The following ZNF571 variants were observed in gnomAD, a reference collection of about 807,000 sequenced individuals.
The protein encoded by ZNF571 is zinc finger protein 571.
In ZNF571, 4 loss-of-function variants were observed where a neutral mutation model predicts 7.7. The ratio of observed to expected loss-of-function variants is 0.52; its 90% CI spans 0.25 to 1.18. The LOEUF is 1.18. Among genes scored for constraint, ZNF571 ranks in the 50% most tolerant of loss-of-function variants. The pLI, the probability that ZNF571 is intolerant of heterozygous loss-of-function variation, is 0.14. For synonymous variants in ZNF571, 251 were observed against 232.4 expected, an observed-to-expected ratio of 1.08 and a Z score of -0.73; for missense variants, 704 against 726.9, an observed-to-expected ratio of 0.97 and a Z score of 0.36.
rs1254792985 is a variant in ZNF571 at position 37,565,353 on chromosome 19, CTGTA to C, written c.1071_1074del (p.His357GlnfsTer25). 6.2e-7 allele frequency: 1 copy of C among 1,613,582 alleles called. No homozygotes were observed. Among genetic ancestry groups the C allele is most frequent in the African/African-American group, 1.3e-5 (1 of 74,902 alleles). ...TCTTTACATTCATAGGGTTTCTCTC[CTGTA>C]TGAATTCTCTGATGTTCATTCAGTT... On this transcript the variant is annotated frameshift_variant, in exon 4 of 4. Transcript: ENST00000451802. LOFTEE classifies it low-confidence loss of function (END_TRUNC).
chr19:37,574,332 A>C (rs985579482), intron 3 of ZNF571, among the ~76,000 whole-genome samples: 1 of 152,206 alleles, frequency 6.6e-6, no homozygotes, highest in African/African-American at 2.4e-5. Flanking sequence ...GTCCTGGGAC[A>C]ACCCTGCTTT....
rs2042989570 is a variant in ZNF571, at chr19:37,569,661, G to A, written c.137-3370C>T. 6.6e-6 allele frequency among the ~76,000 whole-genome samples: 1 copy of A among 152,134 alleles called. No individual in the cohort carries two copies. Among genetic ancestry groups the A allele is most frequent in the Non-Finnish European group, 1.5e-5 (1 of 68,032 alleles). On this transcript the variant is annotated intron_variant, in intron 3 of 3. Coordinates refer to ENST00000451802, the MANE Select transcript of ZNF571 (RefSeq NM_016536.5). This position sits in a 1 kb window ranked among gnomAD's most constrained non-coding sequence, Gnocchi z 4.4. Reference sequence around the variant, plus strand: ...GCAGGTTCTGCCCGGCCTGGCTCCAGTCAACCTCTCCGACTCCCTTGTGGC... The same window carrying A: ...GCAGGTTCTGCCCGGCCTGGCTCCAATCAACCTCTCCGACTCCCTTGTGGC...
intron 3 of ZNF571, among the ~76,000 whole-genome samples, chr19:37,572,011 G>T (rs2385122): frequency 8.3e-5 from 1 of 12,088 alleles, no homozygotes; most frequent in African/African-American, 3.9e-4. Flanking sequence ...AGACTATATG[G>T]CCATAATTAG....
intron 1 of ZNF571, among the ~76,000 whole-genome samples, chr19:37,593,322 C>A (rs962411898): frequency 1.3e-5 from 2 of 152,102 alleles, no homozygotes; most frequent in South Asian, 4.1e-4. Context: ...TCGTATTATT[C>A]TTTAGCCTGC....
chr19:37,574,077 T>C (rs1156231035), intron 3 of ZNF571, among the ~76,000 whole-genome samples: 1 of 152,154 alleles, frequency 6.6e-6, no homozygotes, highest in Non-Finnish European at 1.5e-5. Flanking sequence ...TCTGGATCCA[T>C]TATTCGTACC....
At chr19:37,587,984 C>T (rs568876894) in intron 1 of ZNF571, among the ~76,000 whole-genome samples, 2 of 151,658 alleles carry the variant, frequency 1.3e-5, no homozygotes, top group South Asian at 4.2e-4. Flanking sequence ...CCTGTAGTCC[C>T]AGCTACTTGG....
Position 37,565,760 on chromosome 19 carries a change from T to C in ZNF571, c.668A>G (p.Tyr223Cys), listed in dbSNP as rs151199844. The change falls in exon 4 of 4, where the codon TAT becomes TGT. Residue 223 changes from tyrosine (Y) to cysteine (C), a missense_variant. Physicochemically the swap from Tyr to Cys is radical, Grantham distance 194. Transcript: ENST00000451802. Reference protein sequence around the residue: ...HQKIHTNEKPYQCNACGKAFI... With the variant: ...HQKIHTNEKPCQCNACGKAFI... ...AGCTTTCCCACATGCGTTACACTGA[T>C]AAGGTTTTTCATTAGTATGAATTTT... is the stretch of plus-strand genomic sequence containing the variant. 5.6e-6 allele frequency: 9 copies of C among 1,613,812 alleles called. No individual in the cohort carries two copies. The highest frequency in any genetic ancestry group is 4.4e-5 in the South Asian group (4 of 91,066).
Position 37,566,163 on chromosome 19 carries a change from T to C in ZNF571, c.265A>G (p.Asn89Asp). 1 of 1,614,040 alleles carries C rather than the reference T, an allele frequency of 6.2e-7. No individual in the cohort carries two copies. The highest frequency in any genetic ancestry group is 8.5e-7 in the Non-Finnish European group (1 of 1,179,914). ...HHLQYNGLGD[N>D]MECKGNLEGQ... is the part of the protein sequence containing the mutation. Reference sequence around the variant, plus strand: ...TCTAAGTTGCCTTTGCACTCCATATTGTCTCCAAGACCATTGTATTGAAGG... The same window carrying C: ...TCTAAGTTGCCTTTGCACTCCATATCGTCTCCAAGACCATTGTATTGAAGG... The change falls in exon 4 of 4, where the codon AAT becomes GAT. Residue 89 changes from asparagine to aspartate, a missense_variant. Transcript: ENST00000451802.
chr19:37,570,077 T>C (rs916689654), intron 3 of ZNF571: 1 of 152,140 alleles, frequency 6.6e-6, no homozygotes, highest in Non-Finnish European at 1.5e-5. Flanking sequence ...GTAATAGCCT[T>C]ACTATCCTTA....
chr19:37,584,049 A>C lies in ZNF571; in HGVS notation c.58T>G (p.Trp20Gly). 6.2e-7 allele frequency: 1 copy of C among 1,614,150 alleles called. No homozygotes were observed. Among genetic ancestry groups the C allele is most frequent in the Middle Eastern group, 1.7e-4 (1 of 6,060 alleles). Residue 20 changes from tryptophan to glycine, a missense_variant, in exon 3 of 4, where the codon TGG (tryptophan) becomes GGG (glycine). Trp to Gly is a radical substitution (Grantham distance 184). Transcript: ENST00000451802. ...CTCTGAGCAGGGTCCAGGCATTCCC[A>C]TTCCTCCTGAGAGAAGTCAATGGCC... Reference protein sequence around the residue: ...DVAIDFSQEEWECLDPAQRDL... With the variant: ...DVAIDFSQEEGECLDPAQRDL...
rs776094124 is a variant in ZNF571 at position 37,565,660 on chromosome 19, A to G, written c.768T>C (p.Cys256=). 1.2e-6 allele frequency: 2 copies of G among 1,613,314 alleles called. No homozygotes were observed. The highest frequency in any genetic ancestry group is 2.2e-5 in the South Asian group (2 of 90,998). ...GTGAACAATAACTAAAGGCTTTTCC[A>G]CATTTCTTACATTCATATGGTTTCT... ...TGEKPYECKK[C]GKAFSYCSQY... Residue 256 remains cysteine, a synonymous_variant, in exon 4 of 4, where the codon TGT becomes TGC. Coordinates refer to ENST00000451802, the MANE Select transcript of ZNF571 (RefSeq NM_016536.5).
Position 37,581,395 on chromosome 19 carries a change from C to T in ZNF571, c.136+2576G>A, listed in dbSNP as rs1031866669. On this transcript the variant is annotated intron_variant, in intron 3 of 3. Coordinates refer to ENST00000451802, the MANE Select transcript of ZNF571 (RefSeq NM_016536.5). ...AGCAACCGTCCTTTTTGACCACCAC[C>T]ACTGAAGTTACCAGATCATTTACCT... 7.9e-5 allele frequency among the ~76,000 whole-genome samples: 12 copies of T among 152,198 alleles called. No individual in the cohort carries two copies. The South Asian group carries it at 8.3e-4, about 11-fold the overall frequency.
Position 37,565,073 on chromosome 19 carries a change from CATTCCTTACATTCA to C in ZNF571, c.1341_1354del (p.Phe447LeufsTer15). On this transcript the variant is annotated frameshift_variant, in exon 4 of 4. Transcript: ENST00000451802. LOFTEE classifies it low-confidence loss of function (END_TRUNC). The stretch of plus-strand genomic sequence containing the variant: ...TGCAACACGAATAAAGGCCTTTCCA[CATTCCTTACATTCA>C]AAGGGTTTCTCACCTGTATGAATTC... 3 of 1,613,404 alleles carry C rather than the reference CATTCCTTACATTCA, an allele frequency of 1.9e-6. No homozygotes were observed. The highest frequency in any genetic ancestry group is 2.5e-6 in the Non-Finnish European group (3 of 1,179,450).
At position 37,584,488 on chromosome 19, in the gene ZNF571, A is replaced by G. The variant is rs186764495; in HGVS notation, c.10-391T>C. Among the ~76,000 whole-genome samples the G allele has an allele frequency of 5.6e-4, 85 of 152,340 alleles. 2 individuals are homozygous for G. The highest frequency in any genetic ancestry group is 1.7e-3 in the African/African-American group (69 of 41,586). ...CCCTTCTGCCTTTAAATACTTTTAA[A>G]AAGATGAATTTTTTTCCAAACAATG... On this transcript the variant is annotated intron_variant, in intron 2 of 3. Coordinates refer to ENST00000451802, the MANE Select transcript of ZNF571 (RefSeq NM_016536.5).
chr19:37,593,757 T>C (rs1235122515), intron 1 of ZNF571, among the ~76,000 whole-genome samples: 2 of 151,688 alleles, frequency 1.3e-5, no homozygotes, highest in Non-Finnish European at 2.9e-5. Flanking sequence ...TGCTGTATCA[T>C]TGGGTGGAAA....
intron 3 of ZNF571, among the ~76,000 whole-genome samples, chr19:37,578,686 C>T: frequency 6.6e-6 from 1 of 151,996 alleles, no homozygotes; most frequent in Admixed American, 6.5e-5. Context: ...CTGTCCCCAC[C>T]TGAACTCTGC....
At chr19:37,578,606 C>T (rs961043817) in intron 3 of ZNF571, among the ~76,000 whole-genome samples, 9 of 152,204 alleles carry the variant, frequency 5.9e-5, no homozygotes, top group African/African-American at 2.2e-4. Context: ...GGTCAGAATG[C>T]CCAGCCCCTC....
At chr19:37,567,919 G>A (rs1302024814) in intron 3 of ZNF571, among the ~76,000 whole-genome samples, 2 of 152,070 alleles carry the variant, frequency 1.3e-5, no homozygotes, top group Non-Finnish European at 2.9e-5. Flanking sequence ...TACATATAAT[G>A]TTTTATTCCT....
At chr19:37,573,246 C>A (rs1441955410) in intron 3 of ZNF571, among the ~76,000 whole-genome samples, 2 of 152,060 alleles carry the variant, frequency 1.3e-5, no homozygotes, top group African/African-American at 2.4e-5. Context: ...AGCCTCCAGG[C>A]AATTCTATAT....
Sources: gnomAD v4.1 joint callset for allele counts (sites outside exome capture counted in the v4.1 genomes callset) on GRCh38, gnomAD v4.1.1 for gene constraint, Gnocchi (gnomAD v3.1) non-coding constraint, MANE v1.5 for transcripts, NCBI Gene and HGNC (gene_info 2026-07-23, HGNC 2026-07-21) for gene names.